The following COX7B2 variants were observed in gnomAD, a reference collection of about 807,000 sequenced individuals.
COX7B2 encodes the protein cytochrome c oxidase subunit 7B2, also known as cytochrome c oxidase subunit 7B2, mitochondrial.
For synonymous variants in COX7B2, 37 were observed against 32.1 expected (o/e 1.15, Z -0.51); for missense variants, 109 against 95.9 (o/e 1.14, Z -0.57).
intron 1 of COX7B2, among the ~76,000 whole-genome samples, chr4:46,892,320 A>G (rs922023949): frequency 6.6e-6 from 1 of 152,234 alleles, no homozygotes; most frequent in Non-Finnish European, 1.5e-5. Flanking sequence ...GACATGTCAC[A>G]TGAGTTATTA....
intron 2 of COX7B2, among the ~76,000 whole-genome samples, chr4:46,770,302 C>T (rs1298409703): frequency 1.3e-5 from 2 of 151,984 alleles, no homozygotes; most frequent in African/African-American, 4.8e-5. Flanking sequence ...TGTTAAAAAT[C>T]TGTACATTGT....
At chr4:46,770,738 C>T (rs1716829763) in intron 2 of COX7B2, among the ~76,000 whole-genome samples, 1 of 152,030 alleles carries the variant, frequency 6.6e-6, no homozygotes, top group African/African-American at 2.4e-5. Flanking sequence ...ATGACTGTAT[C>T]TTCATTTACT....
At chr4:46,776,420 GTGTC>G (rs1188831592) in intron 2 of COX7B2, among the ~76,000 whole-genome samples, 135 of 150,794 alleles carry the variant, frequency 9.0e-4, no homozygotes, top group African/African-American at 3.1e-3. Context: ...GTGTGTGTGT[GTGTC>G]TGTGTGTCTG....
intron 2 of COX7B2, among the ~76,000 whole-genome samples, chr4:46,824,490 T>G (rs959347298): frequency 2.0e-5 from 3 of 152,110 alleles, no homozygotes; most frequent in Non-Finnish European, 4.4e-5. Flanking sequence ...TTCACTAACC[T>G]GTCATGCTGC....
chr4:46,829,756 T>C (rs1444819342), intron 2 of COX7B2, among the ~76,000 whole-genome samples: 1 of 152,202 alleles, frequency 6.6e-6, no homozygotes, highest in Non-Finnish European at 1.5e-5. Context: ...GTGTAAAAGA[T>C]GTGTTAGGTA....
intron 2 of COX7B2, among the ~76,000 whole-genome samples, chr4:46,768,510 T>C (rs1446513557): frequency 1.3e-5 from 2 of 152,016 alleles, no homozygotes; most frequent in Non-Finnish European, 2.9e-5. Flanking sequence ...AAAATGGAGA[T>C]GTGAAGTTCT....
intron 1 of COX7B2, among the ~76,000 whole-genome samples, chr4:46,885,817 A>C (rs1407092772): frequency 6.6e-6 from 1 of 152,156 alleles, no homozygotes; most frequent in Admixed American, 6.5e-5. Flanking sequence ...ATTTTTAGCA[A>C]AGGTTAGTTT....
At chr4:46,870,570 G>A (rs1717926759) in intron 1 of COX7B2, among the ~76,000 whole-genome samples, 1 of 152,064 alleles carries the variant, frequency 6.6e-6, no homozygotes, top group Non-Finnish European at 1.5e-5. Flanking sequence ...ACATGATTCA[G>A]TATCTAGAAA....
chr4:46,784,549 C>T (rs1054400997), intron 2 of COX7B2, among the ~76,000 whole-genome samples: 12 of 152,092 alleles, frequency 7.9e-5, no homozygotes, highest in South Asian at 4.1e-4. Flanking sequence ...TGTTTGAACC[C>T]GGGAGGCGGA....
intron 2 of COX7B2, among the ~76,000 whole-genome samples, chr4:46,806,392 A>C (rs957775322): frequency 6.6e-6 from 1 of 152,026 alleles, no homozygotes; most frequent in Non-Finnish European, 1.5e-5. Context: ...TGTAATATTC[A>C]TAAGTTTTTT....
intron 2 of COX7B2, among the ~76,000 whole-genome samples, chr4:46,808,594 G>A (rs901324498): frequency 6.6e-6 from 1 of 151,818 alleles, no homozygotes; most frequent in Non-Finnish European, 1.5e-5. Context: ...TGTAGTGACA[G>A]TGGACATCAC....
intron 2 of COX7B2, among the ~76,000 whole-genome samples, chr4:46,755,539 G>A (rs558070815): frequency 6.3e-4 from 96 of 152,078 alleles, no homozygotes; most frequent in African/African-American, 2.1e-3. Flanking sequence ...CCTGTTTATT[G>A]ATCACATGAT....
At chr4:46,845,931 C>G (rs965719841) in intron 1 of COX7B2, among the ~76,000 whole-genome samples, 1 of 151,974 alleles carries the variant, frequency 6.6e-6, no homozygotes, top group Non-Finnish European at 1.5e-5. Flanking sequence ...TGTGGTCAAT[C>G]TGACTAGAAG....
chr4:46,905,286 C>T (rs16859669), intron 1 of COX7B2, among the ~76,000 whole-genome samples: 15,769 of 151,974 alleles, frequency 0.1, 969 homozygotes, highest in South Asian at 0.23. Flanking sequence ...GGTTCAAAAA[C>T]AATACTAAAA....
intron 2 of COX7B2, among the ~76,000 whole-genome samples, chr4:46,798,944 T>C (rs1391480914): frequency 6.6e-6 from 1 of 152,162 alleles, no homozygotes; most frequent in Non-Finnish European, 1.5e-5. Context: ...TCACAAGCTC[T>C]TTCAGCTCTA....
intron 2 of COX7B2, among the ~76,000 whole-genome samples, chr4:46,748,402 A>G (rs1054781489): frequency 6.6e-6 from 1 of 152,204 alleles, no homozygotes. Context: ...TAAAACAGCA[A>G]TTTATACTGT....
At chr4:46,830,985 T>C (rs1715046548) in intron 2 of COX7B2, among the ~76,000 whole-genome samples, 1 of 152,178 alleles carries the variant, frequency 6.6e-6, no homozygotes, top group Non-Finnish European at 1.5e-5. Context: ...TGGGAGCCCC[T>C]TCCTGGGATG....
chr4:46,842,449 T>C (rs905770993), intron 2 of COX7B2, among the ~76,000 whole-genome samples: 2 of 152,050 alleles, frequency 1.3e-5, no homozygotes, highest in South Asian at 2.1e-4. Flanking sequence ...TGTGCACAAC[T>C]TGCAGGTTTG....
chr4:46,851,329 G>A (rs746458109), intron 1 of COX7B2, among the ~76,000 whole-genome samples: 1 of 152,122 alleles, frequency 6.6e-6, no homozygotes, highest in Non-Finnish European at 1.5e-5. Flanking sequence ...TCTTACTCCA[G>A]ATTTAACATA....
Sources: gnomAD v4.1 joint callset for allele counts (sites outside exome capture counted in the v4.1 genomes callset) on GRCh38, gnomAD v4.1.1 for gene constraint, MANE v1.5 for transcripts, NCBI Gene and HGNC (gene_info 2026-07-23, HGNC 2026-07-21) for gene names.